Variants in IFT52 observed in about 807,000 individuals in gnomAD.
IFT52 encodes intraflagellar transport 52, also known as intraflagellar transport protein 52 homolog.
IFT52 carries 44 observed loss-of-function variants against 54.4 expected under a neutral mutation model. The ratio of observed to expected loss-of-function variants is 0.81; its 90% CI spans 0.63 to 1.04. The LOEUF is 1.04. Among genes scored for constraint, IFT52 ranks in the 50% least tolerant of loss-of-function variants. The pLI is 0.00. For synonymous variants in IFT52, 181 were observed against 185.3 expected, an observed-to-expected ratio of 0.98 and a Z score of 0.19; for missense variants, 452 against 523.6, an observed-to-expected ratio of 0.86 and a Z score of 1.33.
rs369997301 is a variant in IFT52, at chr20:43,627,805, C to A, written c.923+3760C>A. ...CTGGTCTGGAACTCCTGGGCTCAAGCAGTCCTCCCACGTTGGCCTCCCAAA... is the reference window on the plus strand; with the variant it reads ...CTGGTCTGGAACTCCTGGGCTCAAGAAGTCCTCCCACGTTGGCCTCCCAAA... On this transcript the variant is annotated intron_variant, in intron 10 of 13. Coordinates refer to ENST00000373030, the MANE Select transcript of IFT52 (RefSeq NM_016004.5). Among the ~76,000 whole-genome samples the A allele has an allele frequency of 3.2e-4, 48 of 151,806 alleles. No homozygotes were observed. In the South Asian group the frequency reaches 8.9e-3, roughly 28 times the overall value.
intron 6 of IFT52, 45 bp downstream of exon 6, chr20:43,605,118 G>A: frequency 2.5e-6 from 4 of 1,598,868 alleles, no homozygotes; most frequent in Non-Finnish European, 3.4e-6. Flanking sequence ...GTATCATTTT[G>A]GAGTCTTCTT....
Position 43,604,167 on chromosome 20 carries a change from TC to T in IFT52, c.338-15del. On this transcript the variant is annotated splice_polypyrimidine_tract_variant and intron_variant, in intron 4 of 13. Coordinates refer to ENST00000373030, the MANE Select transcript of IFT52 (RefSeq NM_016004.5). ...TTCTAACCTAAAATATACCTCCTTCTCTTTTTCCCTCATAGATGCTGTGGTT... is the reference window on the plus strand; with the variant it reads ...TTCTAACCTAAAATATACCTCCTTCTTTTTTCCCTCATAGATGCTGTGGTT... 1 of 1,577,510 alleles carries T rather than the reference TC, an allele frequency of 6.3e-7. No homozygotes were observed. The highest frequency in any genetic ancestry group is 8.7e-7 in the Non-Finnish European group (1 of 1,146,810).
intron 12 of IFT52, 60 bp from the exon 13 acceptor site, chr20:43,642,419 C>G: frequency 6.6e-7 from 1 of 1,512,790 alleles, no homozygotes; most frequent in Non-Finnish European, 9.1e-7. Context: ...CACACTAAGT[C>G]TGTACTTTGG....
chr20:43,637,027 A>T, intron 11 of IFT52, 118 bp from the exon 12 acceptor site: 1 of 662,336 alleles, frequency 1.5e-6, no homozygotes. Flanking sequence ...GAACTTCCTT[A>T]TTCTCCTTGT....
At chr20:43,613,821 T>G (rs746068227) in intron 6 of IFT52, 29 bp from the exon 7 acceptor site, 6 of 1,594,006 alleles carry the variant, frequency 3.8e-6, no homozygotes, top group Non-Finnish European at 5.1e-6. Context: ...GTTTTTAAAA[T>G]TTGAATGTGT....
chr20:43,647,064 C>A lies in IFT52; in HGVS notation c.*81C>A. 7.9e-7 allele frequency: 1 copy of A among 1,258,498 alleles called. No individual in the cohort carries two copies. The highest frequency in any genetic ancestry group is 1.2e-6 in the Non-Finnish European group (1 of 858,346). The allele number at this position is 1,258,498 out of a possible 1,614,324, so 78.0% of individuals were successfully genotyped here. ...TTCAAATTGTTTTTCAACTCCTTAT[C>A]AAAATTGTTTATACACTCTTTCCTC... On this transcript the variant is annotated 3_prime_UTR_variant, in exon 14 of 14. Transcript: ENST00000373030.
At chr20:43,604,073 T>C (rs1297230734) in intron 4 of IFT52, 110 bp from the exon 5 acceptor site, 12 of 1,005,110 alleles carry the variant, frequency 1.2e-5, no homozygotes, top group Admixed American at 8.4e-5. Context: ...TAAAGCGAGA[T>C]GGATTGGAAC....
chr20:43,604,120 G>A (rs1568724652), intron 4 of IFT52, 63 bp from the exon 5 acceptor site: 10 of 1,345,396 alleles, frequency 7.4e-6, no homozygotes, highest in Non-Finnish European at 9.6e-6. Context: ...AAATTGGTAT[G>A]AGTCTATAAT....
chr20:43,600,782 C>G (rs1231582785), intron 3 of IFT52, among the ~76,000 whole-genome samples: 1 of 151,988 alleles, frequency 6.6e-6, no homozygotes, highest in Non-Finnish European at 1.5e-5. Flanking sequence ...ACTAGCCTGG[C>G]CAACATGGTG....
At chr20:43,616,168 T>C (rs1358379853) in intron 7 of IFT52, among the ~76,000 whole-genome samples, 2 of 152,190 alleles carry the variant, frequency 1.3e-5, no homozygotes, top group Non-Finnish European at 2.9e-5. Flanking sequence ...TTTCATTTTG[T>C]ATTTTTACTA....
At chr20:43,596,781 G>A (rs528352109) in intron 3 of IFT52, among the ~76,000 whole-genome samples, 34 of 125,486 alleles carry the variant, frequency 2.7e-4, no homozygotes, top group African/African-American at 9.5e-4. Flanking sequence ...TCGCTCTGTC[G>A]CCGAGGCTGG....
chr20:43,616,113 A>G (rs546113776), intron 7 of IFT52, among the ~76,000 whole-genome samples: 11 of 152,268 alleles, frequency 7.2e-5, no homozygotes, highest in Admixed American at 5.2e-4. Context: ...TGGGGAAGTT[A>G]TAACTATGCC....
chr20:43,621,044 C>T (rs773463562), intron 9 of IFT52, 119 bp downstream of exon 9: 15 of 677,330 alleles, frequency 2.2e-5, no homozygotes, highest in Middle Eastern at 2.6e-4. Context: ...ACAGATGGAA[C>T]GAAGGAATGA....
chr20:43,623,902 C>T lies in IFT52; in HGVS notation c.780C>T (p.Tyr260=), dbSNP rs772760911. Residue 260 remains tyrosine, a synonymous_variant, in exon 10 of 14, where the codon TAC becomes TAT. Coordinates refer to ENST00000373030, the MANE Select transcript of IFT52 (RefSeq NM_016004.5). ...CTTGTGGCTTTCAGATTTCTGACTA[C>T]ATGATGCTGCCCTACACAGCCACCC... is the stretch of plus-strand genomic sequence containing the variant. The part of the protein sequence containing the change: ...IDAEDPEISD[Y]MMLPYTATLS... 3.1e-6 allele frequency: 5 copies of T among 1,613,980 alleles called. No individual in the cohort carries two copies. In the Admixed American group the frequency reaches 8.3e-5, roughly 27 times the overall value.
rs1346180189 is a variant in IFT52, at chr20:43,642,581, A to T, written c.1223A>T (p.Glu408Val). ...CAACAGGATGCCAAACATATCCTTG[A>T]GCACGTCTTCTTCCAAGTGGTGGAG... ...KDQQDAKHILEHVFFQVVEFK... is the reference protein window; with the variant it reads ...KDQQDAKHILVHVFFQVVEFK... Residue 408 changes from glutamate (E) to valine (V), a missense_variant, in exon 13 of 14, where the codon GAG (glutamate) becomes GTG (valine). Physicochemically the swap from Glu to Val is moderately radical, Grantham distance 121. Transcript: ENST00000373030. 6.2e-7 allele frequency: 1 copy of T among 1,614,062 alleles called. No individual in the cohort carries two copies. The highest frequency in any genetic ancestry group is 1.3e-5 in the African/African-American group (1 of 74,930).
chr20:43,638,213 A>C (rs557649396), intron 12 of IFT52, among the ~76,000 whole-genome samples: 1 of 151,796 alleles, frequency 6.6e-6, no homozygotes, highest in East Asian at 1.9e-4. Flanking sequence ...TTTTTGAGAC[A>C]AAGTTTCACT....
chr20:43,604,135 A>C (rs1982669816), intron 4 of IFT52, 48 bp from the exon 5 acceptor site: 2 of 1,471,770 alleles, frequency 1.4e-6, no homozygotes, highest in African/African-American at 1.4e-5. Context: ...TATAATATCG[A>C]ATTTATTTCT....
chr20:43,603,669 T>C (rs1346236927), intron 3 of IFT52, 91 bp from the exon 4 acceptor site: 2 of 1,149,340 alleles, frequency 1.7e-6, no homozygotes, highest in Admixed American at 2.2e-5. Flanking sequence ...ATTTGAAATA[T>C]GTATTTTTCA....
intron 13 of IFT52, 139 bp from the exon 14 acceptor site, chr20:43,646,796 AT>A: frequency 1.4e-6 from 1 of 732,036 alleles, no homozygotes; most frequent in South Asian, 1.8e-5. Flanking sequence ...CTTGGGTTGG[AT>A]TCAGCCCTAA....
Sources: gnomAD v4.1 joint callset for allele counts (sites outside exome capture counted in the v4.1 genomes callset) on GRCh38, gnomAD v4.1.1 for gene constraint, MANE v1.5 for transcripts, NCBI Gene and HGNC (gene_info 2026-07-23, HGNC 2026-07-21) for gene names.